Variants in MAMDC2 observed in about 807,000 individuals in gnomAD.
MAMDC2 encodes MAM domain-containing protein 2.
MAMDC2 carries 57 observed loss-of-function variants against 89.8 expected under a neutral mutation model. The ratio of observed to expected loss-of-function variants is 0.63; its 90% CI spans 0.51 to 0.79. The LOEUF is 0.79. MAMDC2 is among the 30% of genes least tolerant of loss of function. The pLI is 0.00. For missense variants in MAMDC2, 800 were observed against 820.6 expected (o/e 0.97, Z 0.31); for synonymous variants, 313 against 293.4 (o/e 1.07, Z -0.68).
At chr9:70,058,424 A>G (rs2118017670) in intron 2 of MAMDC2, among the ~76,000 whole-genome samples, 1 of 152,344 alleles carries the variant, frequency 6.6e-6, no homozygotes, top group Non-Finnish European at 1.5e-5. Context: ...TCCTTGTGAT[A>G]GAAATAATAA....
intron 5 of MAMDC2, among the ~76,000 whole-genome samples, chr9:70,117,498 C>T (rs1250874667): frequency 6.6e-6 from 1 of 152,080 alleles, no homozygotes; most frequent in African/African-American, 2.4e-5. Flanking sequence ...AGAAGAAATA[C>T]CTAATGTAGA....
intron 12 of MAMDC2, among the ~76,000 whole-genome samples, chr9:70,222,847 G>T (rs1398083860): frequency 6.6e-6 from 1 of 152,104 alleles, no homozygotes; most frequent in East Asian, 1.9e-4. Flanking sequence ...ACTCAGCTAA[G>T]ACTCAGGTTG....
intron 2 of MAMDC2, among the ~76,000 whole-genome samples, chr9:70,103,879 G>A (rs1448592800): frequency 1.3e-5 from 2 of 151,858 alleles, no homozygotes; most frequent in African/African-American, 2.4e-5. Context: ...CTAATCAGGA[G>A]ACTGAGGTAG....
At chr9:70,143,869 T>A (rs12684987) in intron 9 of MAMDC2, 50 bp downstream of exon 9, 132,348 of 1,590,642 alleles carry the variant, frequency 0.083, 7,221 homozygotes, top group East Asian at 0.26. Flanking sequence ...GCTGGACTAG[T>A]TTTGTGAATG....
At chr9:70,217,752 C>T in intron 11 of MAMDC2, 2 of 1,016,700 alleles carry the variant, frequency 2.0e-6, no homozygotes, top group South Asian at 2.9e-5. Flanking sequence ...AAAAAAGTGT[C>T]ACAAAAAGTT....
intron 5 of MAMDC2, among the ~76,000 whole-genome samples, chr9:70,117,826 A>G (rs1170911501): frequency 6.6e-6 from 1 of 152,206 alleles, no homozygotes; most frequent in Non-Finnish European, 1.5e-5. Context: ...ACCACCTGTA[A>G]TATAGTTCTG....
chr9:70,152,863 A>G (rs1350208338), intron 9 of MAMDC2, among the ~76,000 whole-genome samples: 1 of 152,154 alleles, frequency 6.6e-6, no homozygotes, highest in Non-Finnish European at 1.5e-5. Flanking sequence ...AATGCATCAT[A>G]TAAAGTTCTT....
chr9:70,165,613 A>C (rs1435161953), intron 9 of MAMDC2, among the ~76,000 whole-genome samples: 2 of 152,212 alleles, frequency 1.3e-5, no homozygotes, highest in East Asian at 1.9e-4. Context: ...ATTGTCCAAA[A>C]CATGCTTAAC....
At chr9:70,179,532 T>TAAAA (rs1348747970) in intron 11 of MAMDC2, among the ~76,000 whole-genome samples, 90 of 142,026 alleles carry the variant, frequency 6.3e-4, no homozygotes, top group South Asian at 6.3e-3. Flanking sequence ...TCAAAAAAAA[T>TAAAA]AAATAAATAA....
intron 5 of MAMDC2, among the ~76,000 whole-genome samples, chr9:70,116,771 G>A (rs2030015372): frequency 1.3e-5 from 2 of 151,606 alleles, no homozygotes; most frequent in Non-Finnish European, 1.5e-5. Flanking sequence ...CTAATGTCTT[G>A]ACCAGAAGGG....
chr9:70,077,540 T>C (rs949035357), intron 2 of MAMDC2, among the ~76,000 whole-genome samples: 1 of 152,214 alleles, frequency 6.6e-6, no homozygotes, highest in Admixed American at 6.5e-5. Flanking sequence ...TAAATGTAAA[T>C]AGCCACATTT....
At chr9:70,216,380 C>T (rs915429123) in intron 11 of MAMDC2, 1 of 152,042 alleles carries the variant, frequency 6.6e-6, no homozygotes, top group African/African-American at 2.4e-5. Context: ...AGACAGGCAC[C>T]ATCTTGCTGT....
intron 2 of MAMDC2, among the ~76,000 whole-genome samples, chr9:70,067,130 G>T (rs1400236427): frequency 6.6e-6 from 1 of 152,174 alleles, no homozygotes; most frequent in Non-Finnish European, 1.5e-5. Flanking sequence ...TCTAGCTCCG[G>T]GATGACACTT....
At chr9:70,196,806 G>A (rs1563995275) in intron 11 of MAMDC2, among the ~76,000 whole-genome samples, 1 of 152,074 alleles carries the variant, frequency 6.6e-6, no homozygotes, top group Admixed American at 6.6e-5. Flanking sequence ...CAGGGCATAT[G>A]ATAAAGCCAG....
intron 2 of MAMDC2, among the ~76,000 whole-genome samples, chr9:70,062,157 T>C (rs995401262): frequency 6.6e-6 from 1 of 152,208 alleles, no homozygotes. Context: ...CTGTTTCATT[T>C]TGTCATTTTT....
At chr9:70,096,885 T>C (rs17088359) in intron 2 of MAMDC2, among the ~76,000 whole-genome samples, 6,445 of 152,260 alleles carry the variant, frequency 0.042, 407 homozygotes, top group African/African-American at 0.14. Flanking sequence ...ACGATGTTGA[T>C]GCTGCTGCCA....
intron 7 of MAMDC2, among the ~76,000 whole-genome samples, chr9:70,134,519 C>T (rs1454863172): frequency 6.6e-6 from 1 of 152,138 alleles, no homozygotes; most frequent in Non-Finnish European, 1.5e-5. Flanking sequence ...ACTGCTCTGC[C>T]ATATGCAGAC....
At chr9:70,182,732 TGATTC>T (rs1248957636) in intron 11 of MAMDC2, among the ~76,000 whole-genome samples, 1 of 152,216 alleles carries the variant, frequency 6.6e-6, no homozygotes, top group African/African-American at 2.4e-5. Flanking sequence ...TGCATCTATT[TGATTC>T]TTCTCTGTTC....
intron 6 of MAMDC2, 22 bp downstream of exon 6, chr9:70,126,437 A>G: frequency 6.2e-7 from 1 of 1,601,302 alleles, no homozygotes; most frequent in South Asian, 1.1e-5. Flanking sequence ...GGTGCGCACC[A>G]GCTGTTCACT....
Sources: allele counts gnomAD v4.1 joint callset (sites outside exome capture counted in the v4.1 genomes callset), GRCh38; gene constraint gnomAD v4.1.1; transcripts MANE v1.5; gene names NCBI Gene and HGNC (gene_info 2026-07-23, HGNC 2026-07-21).